FLG2: variants seen among roughly 807,000 people sequenced by gnomAD.
FLG2 encodes filaggrin-2.
A neutral mutation model predicts 3.9 loss-of-function variants in FLG2; 7 were observed. The observed-to-expected ratio is 1.79, with a 90% CI of 1.02 to 3.36. The LOEUF is 3.36. FLG2 is among the 30% of genes most tolerant of loss of function. The pLI, the probability that FLG2 is intolerant of heterozygous loss-of-function variation, is 0.00. For synonymous variants in FLG2, 1,031 were observed against 1,056.1 expected (o/e 0.98, Z 0.46); for missense variants, 2,700 against 2,809.4 (o/e 0.96, Z 0.88).
Position 152,357,489 on chromosome 1 carries a change from T to C in FLG2, c.297A>G (p.Ser99=). ...GTCGGTGACCACGCCTATGCTTCTT[T>C]GACCCTGAAGCTTTGCAGTATTCTT... ...LSKEYCKASG[S]KKHRRGHRHQ... Residue 99 remains serine (S), a synonymous_variant, in exon 3 of 3, where the codon TCA becomes TCG. Transcript: ENST00000388718. 2 of 1,614,222 alleles carry C rather than the reference T, an allele frequency of 1.2e-6. No homozygotes were observed. Among genetic ancestry groups the C allele is most frequent in the Non-Finnish European group, 1.7e-6 (2 of 1,180,046 alleles).
rs1344637200 is a variant in FLG2 at position 152,350,401 on chromosome 1, G to A, written c.*209C>T. ...CTCCCTTCTGGCTGTGTTATATCCA[G>A]GTTGAACATAGGTGTTGTTTGACTG... is the stretch of plus-strand genomic sequence containing the variant. On this transcript the variant is annotated 3_prime_UTR_variant, in exon 3 of 3. Coordinates refer to ENST00000388718, the MANE Select transcript of FLG2 (RefSeq NM_001014342.3). 6.2e-6 allele frequency: 4 copies of A among 640,906 alleles called. No individual in the cohort carries two copies. The African/African-American group carries it at 7.3e-5, about 12-fold the overall frequency. 39.7% of individuals were successfully genotyped at this position (640,906 alleles called of 1,614,324 possible).
In FLG2 at chr1:152,353,491, A is replaced by C; in HGVS notation, c.4295T>G (p.Val1432Gly). 6.2e-7 allele frequency: 1 copy of C among 1,612,540 alleles called. No individual in the cohort carries two copies. The highest frequency in any genetic ancestry group is 8.5e-7 in the Non-Finnish European group (1 of 1,179,710). The change falls in exon 3 of 3, where the codon GTG becomes GGG. Residue 1432 changes from valine to glycine, a missense_variant. By Grantham distance (109) the Val-to-Gly change is moderately radical. Coordinates refer to ENST00000388718, the MANE Select transcript of FLG2 (RefSeq NM_001014342.3). Reference protein sequence around the residue: ...SGHSESSDSEVHSGGSHRPQS... With the variant: ...SGHSESSDSEGHSGGSHRPQS... Reference sequence around the variant, plus strand: ...TGGTCTGTGTGAGCCCCCTGAGTGCACTTCACTGTCACTGGACTCACTATG... The same window carrying C: ...TGGTCTGTGTGAGCCCCCTGAGTGCCCTTCACTGTCACTGGACTCACTATG...
Position 152,355,081 on chromosome 1 carries a change from G to T in FLG2, c.2705C>A (p.Thr902Asn). Residue 902 changes from threonine (T) to asparagine (N), a missense_variant, in exon 3 of 3, where the codon ACT becomes AAT. Coordinates refer to ENST00000388718, the MANE Select transcript of FLG2 (RefSeq NM_001014342.3). ...GQSSGFGQHG[T>N]GSGQYSGFGQ... ...AAAACCAGAGTATTGTCCTGAGCCA[G>T]TCCCATGTTGTCCAAAGCCACTGGA... 3 of 1,552,216 alleles carry T rather than the reference G, an allele frequency of 1.9e-6. No individual in the cohort carries two copies. Among genetic ancestry groups the T allele is most frequent in the Non-Finnish European group, 2.6e-6 (3 of 1,151,850 alleles).
Position 152,351,895 on chromosome 1 carries a change from G to C in FLG2, c.5891C>G (p.Pro1964Arg). The C allele has an allele frequency of 6.5e-7, 1 of 1,536,104 alleles. No homozygotes were observed. Among genetic ancestry groups the C allele is most frequent in the Non-Finnish European group, 8.7e-7 (1 of 1,143,270 alleles). Residue 1964 changes from proline (P) to arginine (R), a missense_variant, in exon 3 of 3, where the codon CCC (proline) becomes CGC (arginine). Coordinates refer to ENST00000388718, the MANE Select transcript of FLG2 (RefSeq NM_001014342.3). ...TGAATGTGTGTGTGAGACCCCTGAG[G>C]GCCCTTCACTGTCACTGTACTCACT... ...GHSEYSDSEG[P>R]SGVSHTHSGH... is the part of the protein sequence containing the mutation.
In FLG2 at chr1:152,356,543, T is replaced by C; in HGVS notation, c.1243A>G (p.Lys415Glu). Residue 415 changes from lysine (K) to glutamate (E), a missense_variant, in exon 3 of 3, where the codon AAA becomes GAA. Lys to Glu is a moderately conservative substitution (Grantham distance 56). Coordinates refer to ENST00000388718, the MANE Select transcript of FLG2 (RefSeq NM_001014342.3). ...GAACCAGACCCATATTGATCACATT[T>C]GGAAAATTCATTTGAACTAGAAGAG... The part of the protein sequence containing the change: ...SNSSSSNEFS[K>E]CDQYGSGSSQ... The C allele has an allele frequency of 6.2e-7, 1 of 1,614,218 alleles. No homozygotes were observed. The highest frequency in any genetic ancestry group is 8.5e-7 in the Non-Finnish European group (1 of 1,180,048).
intron 2 of FLG2, 91 bp from the exon 3 acceptor site, chr1:152,357,738 G>T: frequency 1.1e-6 from 1 of 888,438 alleles, no homozygotes; most frequent in African/African-American, 1.7e-5. Context: ...AATTATGGAT[G>T]TTTGACATGA....
rs774334131 is a variant in FLG2 at position 152,356,902 on chromosome 1, G to C, written c.884C>G (p.Ser295Ter). ...SSGCGRPQNA[S>*]SSCQSHRFGG... Reference sequence around the variant, plus strand: ...AAATCTATGTGACTGACAAGAACTTGAAGCATTTTGTGGCCTTCCACACCC... The same window carrying C: ...AAATCTATGTGACTGACAAGAACTTCAAGCATTTTGTGGCCTTCCACACCC... The change falls in exon 3 of 3, where the codon TCA becomes TGA. Residue 295 changes from serine (S) to a stop codon, truncating the protein, a stop_gained. Coordinates refer to ENST00000388718, the MANE Select transcript of FLG2 (RefSeq NM_001014342.3). LOFTEE classifies it low-confidence loss of function (END_TRUNC). 4 of 1,614,144 alleles carry C rather than the reference G, an allele frequency of 2.5e-6. No homozygotes were observed. The highest frequency in any genetic ancestry group is 3.4e-6 in the Non-Finnish European group (4 of 1,180,024).
rs370463607 is a variant in FLG2 at position 152,349,110 on chromosome 1, C to T, written c.*1500G>A. On this transcript the variant is annotated 3_prime_UTR_variant, in exon 3 of 3. Coordinates refer to ENST00000388718, the MANE Select transcript of FLG2 (RefSeq NM_001014342.3). ...TTATTATATAGTTCTGAATATAGCCCCAAATGGTGTTTATCTTTTTCTTCC... is the reference window on the plus strand; with the variant it reads ...TTATTATATAGTTCTGAATATAGCCTCAAATGGTGTTTATCTTTTTCTTCC... 4 of 151,944 alleles carry T rather than the reference C, an allele frequency of 2.6e-5. No homozygotes were observed. The East Asian group carries it at 5.8e-4, about 22-fold the overall frequency. 9.4% of individuals were successfully genotyped at this position (151,944 alleles called of 1,614,324 possible). A position where few individuals can be genotyped will look rare whatever the true frequency, so the allele number is the denominator to read the frequency against.
rs779620323 is a variant in FLG2, at chr1:152,353,116, C to T, written c.4670G>A (p.Gly1557Asp). 2 of 1,611,154 alleles carry T rather than the reference C, an allele frequency of 1.2e-6. No individual in the cohort carries two copies. Among genetic ancestry groups the T allele is most frequent in the South Asian group, 2.2e-5 (2 of 90,920 alleles). Residue 1557 changes from glycine to aspartate, a missense_variant, in exon 3 of 3, where the codon GGT becomes GAT. Physicochemically the swap from Gly to Asp is moderately conservative, Grantham distance 94. Coordinates refer to ENST00000388718, the MANE Select transcript of FLG2 (RefSeq NM_001014342.3). ...TGDTTRHSYS[G>D]HEQTTQTGSR... is the part of the protein sequence containing the mutation. ...CCCTGTCTGTGTGGTTTGTTCATGA[C>T]CAGAGTAGGAATGTCTAGTGGTATC...
At position 152,353,375 on chromosome 1, in the gene FLG2, G is replaced by C. The variant is rs201511707; in HGVS notation, c.4411C>G (p.Gln1471Glu). Residue 1471 changes from glutamine to glutamate, a missense_variant, in exon 3 of 3, where the codon CAG becomes GAG. Transcript: ENST00000388718. ...VHGRHGTTHG[Q>E]TGDTTRHAHY... ...GCATGTCTAGTGGTATCTCCTGTCT[G>C]TCCATGAGTAGTTCCGTGTCTCCCA... is the stretch of plus-strand genomic sequence containing the variant. 1 of 1,612,972 alleles carries C rather than the reference G, an allele frequency of 6.2e-7. No individual in the cohort carries two copies. The highest frequency in any genetic ancestry group is 1.7e-5 in the Admixed American group (1 of 59,882).
Position 152,355,695 on chromosome 1 carries a change from A to T in FLG2, c.2091T>A (p.Gly697=). 6.2e-7 allele frequency: 1 copy of T among 1,613,454 alleles called. No individual in the cohort carries two copies. The highest frequency in any genetic ancestry group is 1.1e-5 in the South Asian group (1 of 91,052). The part of the protein sequence containing the change: ...RSGHSSYGQH[G]FGSSQSSGYG... ...AGCCAGATGATTGACTTGAGCCAAAACCATGTTGGCCATAGCTAGAATGAC... is the reference window on the plus strand; with the variant it reads ...AGCCAGATGATTGACTTGAGCCAAATCCATGTTGGCCATAGCTAGAATGAC... Residue 697 remains glycine, a synonymous_variant, in exon 3 of 3, where the codon GGT becomes GGA. Transcript: ENST00000388718.
rs1416245520 is a variant in FLG2 at position 152,353,406 on chromosome 1, T to G, written c.4380A>C (p.Thr1460=). The G allele has an allele frequency of 6.2e-7, 1 of 1,613,332 alleles. No homozygotes were observed. Among genetic ancestry groups the G allele is most frequent in the South Asian group, 1.1e-5 (1 of 91,044 alleles). The stretch of plus-strand genomic sequence containing the variant: ...GAGTAGTTCCGTGTCTCCCATGAAC[T>G]GTGGATCCTGACTCTCCATGTTGAG... ...AGSQHGESGS[T]VHGRHGTTHG... is the part of the protein sequence containing the mutation. The change falls in exon 3 of 3, where the codon ACA becomes ACC. Residue 1460 remains threonine (T), a synonymous_variant. Coordinates refer to ENST00000388718, the MANE Select transcript of FLG2 (RefSeq NM_001014342.3).
chr1:152,357,733 T>C (rs933884507), intron 2 of FLG2, 86 bp from the exon 3 acceptor site: 33 of 938,846 alleles, frequency 3.5e-5, no homozygotes, highest in Non-Finnish European at 5.2e-5. Context: ...TGTGAAATTA[T>C]GGATGTTTGA....
In FLG2 at chr1:152,353,776, G is replaced by A. The variant is rs746819915; in HGVS notation, c.4010C>T (p.Ser1337Phe). 1 of 1,614,028 alleles carries A rather than the reference G, an allele frequency of 6.2e-7. No homozygotes were observed. The highest frequency in any genetic ancestry group is 1.1e-5 in the South Asian group (1 of 91,080). Reference sequence around the variant, plus strand: ...AAATCTCTGTCTTCCAGATGTTCTGGAACCTGTCTGTGTAGACTGTCCATG... The same window carrying A: ...AAATCTCTGTCTTCCAGATGTTCTGAAACCTGTCTGTGTAGACTGTCCATG... ...SGHGQSTQTG[S>F]RTSGRQRFSH... The change falls in exon 3 of 3, where the codon TCC becomes TTC. Residue 1337 changes from serine (S) to phenylalanine (F), a missense_variant. By Grantham distance (155) the Ser-to-Phe change is radical. Transcript: ENST00000388718.
chr1:152,356,852 A>G lies in FLG2; in HGVS notation c.934T>C (p.Tyr312His). 6.2e-7 allele frequency: 1 copy of G among 1,614,234 alleles called. No individual in the cohort carries two copies. Among genetic ancestry groups the G allele is most frequent in the Non-Finnish European group, 8.5e-7 (1 of 1,180,054 alleles). ...CCTGACTGACAGCCTGACTGAATAT[A>G]GCTAAATTGATTTCCTTGCCCTCCA... Reference protein sequence around the residue: ...RFGGQGNQFSYIQSGCQSGIK... With the variant: ...RFGGQGNQFSHIQSGCQSGIK... The change falls in exon 3 of 3, where the codon TAT becomes CAT. Residue 312 changes from tyrosine to histidine, a missense_variant. By Grantham distance (83) the Tyr-to-His change is moderately conservative (BLOSUM62 2). Transcript: ENST00000388718.
At chr1:152,358,619 C>T (rs1345702019) in intron 2 of FLG2, 128 bp downstream of exon 2, 4 of 828,888 alleles carry the variant, frequency 4.8e-6, no homozygotes, top group Non-Finnish European at 7.3e-6. Context: ...TTTCTGGCAT[C>T]CCCAAAATAC....
At position 152,350,980 on chromosome 1, in the gene FLG2, T is replaced by C. The variant is rs1475012172; in HGVS notation, c.6806A>G (p.His2269Arg). 1.2e-6 allele frequency: 2 copies of C among 1,613,596 alleles called. No individual in the cohort carries two copies. Among genetic ancestry groups the C allele is most frequent in the African/African-American group, 2.7e-5 (2 of 74,784 alleles). ...SDSEVHSWGS[H>R]THSGHIQGQA... is the part of the protein sequence containing the mutation. Reference sequence around the variant, plus strand: ...GCCCTGAATGTGTCCTGAATGTGTGTGTGAGCCCCATGAGTGCACTTCACT... The same window carrying C: ...GCCCTGAATGTGTCCTGAATGTGTGCGTGAGCCCCATGAGTGCACTTCACT... Residue 2269 changes from histidine to arginine, a missense_variant, in exon 3 of 3, where the codon CAC becomes CGC. Coordinates refer to ENST00000388718, the MANE Select transcript of FLG2 (RefSeq NM_001014342.3).
chr1:152,349,561 T>A lies in FLG2; in HGVS notation c.*1049A>T, dbSNP rs189315357. 6.5e-6 allele frequency: 1 copy of A among 152,672 alleles called. No individual in the cohort carries two copies. Among genetic ancestry groups the A allele is most frequent in the African/African-American group, 2.4e-5 (1 of 41,458 alleles). The allele number at this position is 152,672 out of a possible 1,614,324, so 9.5% of individuals were successfully genotyped here. On this transcript the variant is annotated 3_prime_UTR_variant, in exon 3 of 3. Transcript: ENST00000388718. ...TAGTTAAAATGAAAGAACAGACATA[T>A]ACCCTTACTACCAAAAGAGGAGATC...
At position 152,356,973 on chromosome 1, in the gene FLG2, T is replaced by C. The variant is rs1377099188; in HGVS notation, c.813A>G (p.Gly271=). 3 of 1,614,214 alleles carry C rather than the reference T, an allele frequency of 1.9e-6. No individual in the cohort carries two copies. The highest frequency in any genetic ancestry group is 2.5e-6 in the Non-Finnish European group (3 of 1,180,030). ...ATGCATGACTTCGCCTCCCACTGTC[T>C]CCTGAACCTGAACAGCTAGACCCAA... ...QKLGSSCSGS[G]DSGRRSHACG... The change falls in exon 3 of 3, where the codon GGA becomes GGG. Residue 271 remains glycine (G), a synonymous_variant. Coordinates refer to ENST00000388718, the MANE Select transcript of FLG2 (RefSeq NM_001014342.3).
Sources: allele counts gnomAD v4.1 joint callset, GRCh38; gene constraint gnomAD v4.1.1; transcripts MANE v1.5; gene names NCBI Gene and HGNC (gene_info 2026-07-23, HGNC 2026-07-21).